THBS4: variants seen among roughly 807,000 people sequenced by gnomAD.
THBS4 encodes the protein thrombospondin 4, also known as thrombospondin-4.
In THBS4, 90 loss-of-function variants were observed where a neutral mutation model predicts 115.7. The ratio of observed to expected loss-of-function variants is 0.78; its 90% CI spans 0.66 to 0.93. The LOEUF (loss-of-function observed/expected upper bound fraction) is 0.93, where lower values mean the gene tolerates loss of function less well. Ranked by LOEUF, THBS4 falls within the 40% of genes least tolerant of loss-of-function variation. The probability of loss-of-function intolerance (pLI) is 0.00; values close to 1 mark genes in which losing one functional copy is unlikely to be tolerated. For missense variants in THBS4, 1,087 were observed against 1,232.7 expected (o/e 0.88, Z 1.77); for synonymous variants, 460 against 479.3 (o/e 0.96, Z 0.53).
At chr5:80,024,062 A>G (rs1249362187) in intron 2 of THBS4, among the ~76,000 whole-genome samples, 1 of 152,154 alleles carries the variant, frequency 6.6e-6, no homozygotes, top group East Asian at 1.9e-4. Context: ...CATAGCACCC[A>G]CAAAAATAAA....
At position 80,029,949 on chromosome 5, in the gene THBS4, G is replaced by A. The variant is rs542168086; in HGVS notation, n.178-10128G>A. Among the ~76,000 whole-genome samples, 83 of 152,102 alleles carry A rather than the reference G, an allele frequency of 5.5e-4. 1 individual carries two copies. The highest frequency in any genetic ancestry group is 1.7e-3 in the Admixed American group (26 of 15,278). On this transcript the variant is annotated intron_variant and non_coding_transcript_variant, in intron 2 of 3. Coordinates refer to the THBS4 transcript ENST00000510218. Reference sequence around the variant, plus strand: ...CGCGCTGCTGCACTCCAGCCTGGGCGACAGCGAGACTCCATCTCAAAAAAA... The same window carrying A: ...CGCGCTGCTGCACTCCAGCCTGGGCAACAGCGAGACTCCATCTCAAAAAAA...
chr5:80,056,026 G>T lies in THBS4; in HGVS notation c.534G>T (p.Lys178Asn). Residue 178 changes from lysine to asparagine, a missense_variant, in exon 3 of 22, where the codon AAG becomes AAT. Lys to Asn is a moderately conservative substitution (Grantham distance 94). Around this residue, in one of 3 missense-constraint regions of THBS4, gnomAD observed 979 missense variants for 1,103.7 expected, o/e 0.89. Transcript: ENST00000350881. ...TTGAATTGAGGACTTTCCAGAGGAA[G>T]CCACAGGTAGGAACCCACAAACCAT... ...ETIELRTFQR[K>N]PQDFLEELKL... 1 of 1,602,622 alleles carries T rather than the reference G, an allele frequency of 6.2e-7. No homozygotes were observed.
At chr5:80,059,384 C>G in intron 5 of THBS4, 56 bp from the exon 6 acceptor site, 1 of 1,527,686 alleles carries the variant, frequency 6.5e-7, no homozygotes. Flanking sequence ...TCTTTCATTC[C>G]TGGATGATAT....
chr5:80,078,831 C>T, intron 17 of THBS4, 90 bp from the exon 18 acceptor site: 2 of 1,228,668 alleles, frequency 1.6e-6, no homozygotes. Context: ...TCACTGGCCA[C>T]TCACTCATAT....
chr5:80,007,510 G>A (rs547377830), intron 2 of THBS4, among the ~76,000 whole-genome samples: 6 of 152,192 alleles, frequency 3.9e-5, no homozygotes, highest in Admixed American at 1.3e-4. Context: ...AGTCCTCTAA[G>A]AAGCAGGTGT....
chr5:80,073,495 T>C (rs1015109470), intron 15 of THBS4, among the ~76,000 whole-genome samples, 168 bp downstream of exon 15: 1 of 152,084 alleles, frequency 6.6e-6, no homozygotes, highest in Non-Finnish European at 1.5e-5. Context: ...GCCATTCTTC[T>C]GCCTCAGCCT....
chr5:80,065,034 G>A (rs183299035), intron 8 of THBS4, among the ~76,000 whole-genome samples: 7 of 151,962 alleles, frequency 4.6e-5, no homozygotes, highest in South Asian at 2.1e-4. Flanking sequence ...GAAAGCAGTC[G>A]GGGGAAGCTG....
intron 2 of THBS4, among the ~76,000 whole-genome samples, chr5:80,054,162 T>TTC (rs1419334249): frequency 3.0e-4 from 45 of 149,218 alleles, no homozygotes; most frequent in Admixed American, 1.4e-3. Flanking sequence ...TTCTTTTCTT[T>TTC]TTTTTTTTTT....
Position 80,055,936 on chromosome 5 carries a change from C to G in THBS4, c.444C>G (p.Ile148Met). ...AGSLELYLDCIQVDSVHNLPR... is the reference protein window; with the variant it reads ...AGSLELYLDCMQVDSVHNLPR... ...CCCTAGAGCTCTACCTGGACTGCAT[C>G]CAGGTGGATTCCGTTCACAATCTCC... The change falls in exon 3 of 22, where the codon ATC becomes ATG. Residue 148 changes from isoleucine (I) to methionine (M), a missense_variant. Around this residue, in one of 3 missense-constraint regions of THBS4, gnomAD observed 979 missense variants for 1,103.7 expected, o/e 0.89. Transcript: ENST00000350881. 6.2e-7 allele frequency: 1 copy of G among 1,614,216 alleles called. No homozygotes were observed. Among genetic ancestry groups the G allele is most frequent in the Non-Finnish European group, 8.5e-7 (1 of 1,180,042 alleles).
At chr5:80,050,364 T>C (rs1008721025) in intron 2 of THBS4, among the ~76,000 whole-genome samples, 1 of 152,170 alleles carries the variant, frequency 6.6e-6, no homozygotes, top group African/African-American at 2.4e-5. Flanking sequence ...TGGGGAGTGC[T>C]GATTGGTCAG....
chr5:80,044,414 TA>T (rs17879105), intron 2 of THBS4, among the ~76,000 whole-genome samples: 36,602 of 150,624 alleles, frequency 0.24, 4,883 homozygotes, highest in African/African-American at 0.36. Context: ...TAGTAGGTAA[TA>T]AAAAAAAAAT....
chr5:79,994,774 T>C lies in THBS4; in HGVS notation n.81+3362T>C, dbSNP rs552836939. ...TGAGCCGTGATTGTGCAAAAACTTA[T>C]GTTCAAGCTTTTAGAGGCACAGTTG... On this transcript the variant is annotated intron_variant and non_coding_transcript_variant, in intron 1 of 3. Coordinates refer to the THBS4 transcript ENST00000510218. 2.0e-5 allele frequency among the ~76,000 whole-genome samples: 3 copies of C among 152,230 alleles called. 1 individual carries two copies. Among genetic ancestry groups the C allele is most frequent in the South Asian group, 4.1e-4 (2 of 4,832 alleles).
Position 80,055,824 on chromosome 5 carries a change from TG to T in THBS4, c.334del (p.Val112TrpfsTer18). ...RYLKNDGKVH[L>X]VVFNNLQLAD... ...CTGAAGAACGATGGGAAGGTGCATTTGGTGGTTTTCAACAACCTGCAGCTGG... is the reference window on the plus strand; with the variant it reads ...CTGAAGAACGATGGGAAGGTGCATTTGTGGTTTTCAACAACCTGCAGCTGG... On this transcript the variant is annotated frameshift_variant, in exon 3 of 22. Coordinates refer to ENST00000350881, the MANE Select transcript of THBS4 (RefSeq NM_003248.6). LOFTEE classifies it high-confidence loss of function. The T allele has an allele frequency of 3.1e-6, 5 of 1,614,102 alleles. No individual in the cohort carries two copies. The highest frequency in any genetic ancestry group is 4.2e-6 in the Non-Finnish European group (5 of 1,179,966).
intron 6 of THBS4, 79 bp from the exon 7 acceptor site, chr5:80,059,624 A>T (rs1358564578): frequency 6.3e-7 from 1 of 1,599,368 alleles, no homozygotes; most frequent in African/African-American, 1.3e-5. Context: ...GAAAAGTTCA[A>T]TAGGAAACCA....
At position 80,080,082 on chromosome 5, in the gene THBS4, G is replaced by A; in HGVS notation, c.2684+5G>A. 1.2e-6 allele frequency: 2 copies of A among 1,612,722 alleles called. No individual in the cohort carries two copies. The highest frequency in any genetic ancestry group is 1.1e-5 in the South Asian group (1 of 90,896). ...GCCCCAGGTGGGCTACATCAGGTAGGTAGAGGCCCCATCTCCTTACCTTGC... is the reference window on the plus strand; with the variant it reads ...GCCCCAGGTGGGCTACATCAGGTAGATAGAGGCCCCATCTCCTTACCTTGC... On this transcript the variant is annotated splice_donor_5th_base_variant and intron_variant, in intron 20 of 21. Transcript: ENST00000350881.
intron 2 of THBS4, among the ~76,000 whole-genome samples, chr5:80,014,317 A>T (rs1034103158): frequency 2.6e-5 from 4 of 152,228 alleles, no homozygotes; most frequent in Non-Finnish European, 5.9e-5. Context: ...CATGGTCTTC[A>T]GGTGATGTGC....
chr5:80,082,187 CACACACACGG>C (rs1383337780), intron 20 of THBS4: 2 of 455,632 alleles, frequency 4.4e-6, no homozygotes, highest in Non-Finnish European at 7.6e-6. Context: ...CCCCCCTCCA[CACACACACGG>C]ACACACACGG....
intron 15 of THBS4, chr5:80,076,367 T>G (rs1743216241): frequency 6.6e-6 from 1 of 152,452 alleles, no homozygotes; most frequent in Non-Finnish European, 1.5e-5. Context: ...ATTTTCATCA[T>G]TTAATCTCCA....
At position 80,035,961 on chromosome 5, in the gene THBS4, G is replaced by A; in HGVS notation, c.88+336G>A. On this transcript the variant is annotated intron_variant, in intron 1 of 21. Transcript: ENST00000350881. This position sits in a 1 kb window ranked among gnomAD's most constrained non-coding sequence, Gnocchi z 4.6. Reference sequence around the variant, plus strand: ...TAGGCTCTGGTGTAGGGTGAATTCCGGGTCCTGCACCCTGTGCCGGTTCCC... The same window carrying A: ...TAGGCTCTGGTGTAGGGTGAATTCCAGGTCCTGCACCCTGTGCCGGTTCCC... The A allele has an allele frequency of 9.6e-7, 1 of 1,040,084 alleles. No homozygotes were observed. The highest frequency in any genetic ancestry group is 1.2e-6 in the Non-Finnish European group (1 of 864,814). The allele number at this position is 1,040,084 out of a possible 1,614,324, so 64.4% of individuals were successfully genotyped here.
Sources: allele counts gnomAD v4.1 joint callset (sites outside exome capture counted in the v4.1 genomes callset), GRCh38; gene constraint gnomAD v4.1.1; regional missense constraint gnomAD v4.1.1; non-coding constraint Gnocchi (gnomAD v3.1); transcripts MANE v1.5; gene names NCBI Gene and HGNC (gene_info 2026-07-23, HGNC 2026-07-21).